Variants in MNAT1 observed in about 807,000 individuals in gnomAD.
MNAT1 encodes MNAT1 component of CDK activating kinase, also known as CDK-activating kinase assembly factor MAT1.
In MNAT1, 43 loss-of-function variants were observed where a neutral mutation model predicts 42.0. The observed-to-expected ratio is 1.02, with a 90% CI of 0.80 to 1.32. The LOEUF (loss-of-function observed/expected upper bound fraction) is 1.32. MNAT1 is among the 40% of genes most tolerant of loss of function. The pLI is 0.00. For missense variants in MNAT1, 306 were observed against 350.4 expected, an observed-to-expected ratio of 0.87 and a Z score of 1.01; for synonymous variants, 118 against 120.0, an observed-to-expected ratio of 0.98 and a Z score of 0.11.
chr14:60,919,401 A>C (rs542976498), intron 7 of MNAT1: 2 of 156,582 alleles, frequency 1.3e-5, no homozygotes, highest in African/African-American at 4.8e-5. Context: ...GCTGCACATC[A>C]TGAAGCTAAT....
intron 7 of MNAT1, among the ~76,000 whole-genome samples, chr14:60,924,910 C>T (rs1594879237): frequency 6.6e-6 from 1 of 152,196 alleles, no homozygotes; most frequent in Non-Finnish European, 1.5e-5. Context: ...GGAATGATAT[C>T]TGTATAATGT....
At chr14:60,827,488 C>T (rs1053950929) in intron 6 of MNAT1, among the ~76,000 whole-genome samples, 2 of 152,074 alleles carry the variant, frequency 1.3e-5, no homozygotes, top group Non-Finnish European at 2.9e-5. Flanking sequence ...AATTAATACC[C>T]GTTCGTATCT....
intron 6 of MNAT1, among the ~76,000 whole-genome samples, chr14:60,826,944 A>C (rs2033073441): frequency 6.6e-6 from 1 of 151,842 alleles, no homozygotes; most frequent in African/African-American, 2.4e-5. Context: ...AGTAAATCTT[A>C]GTCTTTTGGG....
chr14:60,913,285 G>A (rs1052962052), intron 7 of MNAT1, among the ~76,000 whole-genome samples: 4 of 151,958 alleles, frequency 2.6e-5, no homozygotes, highest in Non-Finnish European at 5.9e-5. Context: ...TCCTCCTTTA[G>A]CTCGGAGTAG....
chr14:60,895,745 A>G (rs932779918), intron 7 of MNAT1, among the ~76,000 whole-genome samples: 16 of 152,198 alleles, frequency 1.1e-4, no homozygotes, highest in Non-Finnish European at 8.8e-5. Flanking sequence ...CAGCCTGGTC[A>G]ACATAGTGAG....
chr14:60,768,992 A>G (rs2030946034), intron 1 of MNAT1, among the ~76,000 whole-genome samples: 1 of 152,236 alleles, frequency 6.6e-6, no homozygotes, highest in African/African-American at 2.4e-5. Context: ...CAAAAAGTGT[A>G]TATATAATAT....
chr14:60,920,459 G>A (rs1226545026), intron 7 of MNAT1, among the ~76,000 whole-genome samples: 2 of 151,730 alleles, frequency 1.3e-5, no homozygotes, highest in African/African-American at 2.4e-5. Context: ...TCGCTCCGTC[G>A]CCCAGGCTGG....
chr14:60,896,538 T>G (rs1401060997), intron 7 of MNAT1, among the ~76,000 whole-genome samples: 1 of 152,178 alleles, frequency 6.6e-6, no homozygotes, highest in Non-Finnish European at 1.5e-5. Context: ...CAAACTAGAG[T>G]GCAGTGGCGT....
chr14:60,950,965 A>C (rs891613245), intron 7 of MNAT1, among the ~76,000 whole-genome samples: 1 of 152,164 alleles, frequency 6.6e-6, no homozygotes, highest in Non-Finnish European at 1.5e-5. Flanking sequence ...TCTAGTGGGG[A>C]ATGTATAACA....
intron 1 of MNAT1, among the ~76,000 whole-genome samples, chr14:60,765,368 G>C (rs1390106100): frequency 6.6e-6 from 1 of 152,194 alleles, no homozygotes; most frequent in Admixed American, 6.5e-5. Flanking sequence ...ACTGGGGCCT[G>C]TCGGTGGGTT....
At chr14:60,782,717 T>A (rs2031507266) in intron 1 of MNAT1, among the ~76,000 whole-genome samples, 1 of 152,214 alleles carries the variant, frequency 6.6e-6, no homozygotes, top group Non-Finnish European at 1.5e-5. Context: ...GTAGGTATTC[T>A]TTTTATTTCT....
At chr14:60,899,353 C>T (rs1382172929) in intron 7 of MNAT1, among the ~76,000 whole-genome samples, 2 of 152,060 alleles carry the variant, frequency 1.3e-5, no homozygotes, top group African/African-American at 4.8e-5. Context: ...ATTATTATAT[C>T]ATCAGTAGTG....
intron 1 of MNAT1, among the ~76,000 whole-genome samples, chr14:60,738,014 A>G (rs1896356112): frequency 6.7e-6 from 1 of 149,580 alleles, no homozygotes; most frequent in South Asian, 2.1e-4. Context: ...ACGCCCGGCT[A>G]ATTTTTTTGT....
chr14:60,922,888 A>T (rs1566559865), intron 7 of MNAT1, among the ~76,000 whole-genome samples: 1 of 152,196 alleles, frequency 6.6e-6, no homozygotes, highest in Non-Finnish European at 1.5e-5. Flanking sequence ...AAGAAATATT[A>T]GTATACCAGA....
chr14:60,858,615 G>A (rs2034020712), intron 6 of MNAT1, among the ~76,000 whole-genome samples: 1 of 152,066 alleles, frequency 6.6e-6, no homozygotes, highest in South Asian at 2.1e-4. Flanking sequence ...AGCATCATGT[G>A]CTACAGAGAA....
chr14:60,957,121 C>A (rs2036500742), intron 7 of MNAT1, among the ~76,000 whole-genome samples: 1 of 152,080 alleles, frequency 6.6e-6, no homozygotes, highest in Non-Finnish European at 1.5e-5. Context: ...TCTGTAGTGG[C>A]ATGTTTCTTC....
At chr14:60,920,431 A>AT (rs1057328660) in intron 7 of MNAT1, among the ~76,000 whole-genome samples, 35 of 151,348 alleles carry the variant, frequency 2.3e-4, no homozygotes, top group African/African-American at 8.2e-4. Flanking sequence ...AAAAATCTTG[A>AT]TTTTTTTTGG....
At chr14:60,772,655 A>G (rs557368080) in intron 1 of MNAT1, among the ~76,000 whole-genome samples, 1 of 152,202 alleles carries the variant, frequency 6.6e-6, no homozygotes, top group East Asian at 1.9e-4. Context: ...AGATATTTAG[A>G]TTAGAAACTC....
At chr14:60,748,349 G>C (rs2029921639) in intron 1 of MNAT1, among the ~76,000 whole-genome samples, 1 of 152,112 alleles carries the variant, frequency 6.6e-6, no homozygotes, top group South Asian at 2.1e-4. Context: ...TTCAGCTGTA[G>C]CCTTCTGAAT....
Sources: allele counts gnomAD v4.1 joint callset (sites outside exome capture counted in the v4.1 genomes callset), GRCh38; gene constraint gnomAD v4.1.1; transcripts MANE v1.5; gene names NCBI Gene and HGNC (gene_info 2026-07-23, HGNC 2026-07-21).